Variants in PXYLP1 observed in about 807,000 individuals in gnomAD.
The protein encoded by PXYLP1 is 2-phosphoxylose phosphatase 1.
A neutral mutation model predicts 37.9 loss-of-function variants in PXYLP1; 17 were observed. That is an observed-to-expected ratio of 0.45 (90% CI 0.31 to 0.67). PXYLP1 has a LOEUF of 0.67. Ranked by LOEUF, PXYLP1 falls within the 30% of genes least tolerant of loss-of-function variation. PXYLP1 has a pLI of 0.07. For synonymous variants in PXYLP1, 221 were observed against 232.2 expected (o/e 0.95, Z 0.44); for missense variants, 511 against 612.0 (o/e 0.84, Z 1.74).
At chr3:141,262,369 T>A in intron 2 of PXYLP1, 1 of 1,034,010 alleles carries the variant, frequency 9.7e-7, no homozygotes, top group Non-Finnish European at 1.2e-6. Context: ...TAATTGTTTA[T>A]AAATTTTCAT....
At chr3:141,257,924 AAAG>A (rs1941300202) in intron 1 of PXYLP1, among the ~76,000 whole-genome samples, 1 of 139,538 alleles carries the variant, frequency 7.2e-6, no homozygotes, top group African/African-American at 3.3e-5. Context: ...AAAAAAAAAA[AAAG>A]AGAGAGAGAG....
chr3:141,261,869 A>T (rs1235330030), intron 2 of PXYLP1: 1 of 152,242 alleles, frequency 6.6e-6, no homozygotes, highest in African/African-American at 2.4e-5. Flanking sequence ...TTTGAAGCTG[A>T]GAAAACATCT....
intron 2 of PXYLP1, among the ~76,000 whole-genome samples, chr3:141,263,916 C>T (rs2148765269): frequency 1.3e-5 from 2 of 152,294 alleles, no homozygotes; most frequent in Admixed American, 1.3e-4. Flanking sequence ...CATAGTGCAC[C>T]ATCATCAGAA....
intron 2 of PXYLP1, chr3:141,274,281 G>A (rs1329510971): frequency 7.5e-7 from 1 of 1,332,230 alleles, no homozygotes; most frequent in African/African-American, 1.5e-5. Flanking sequence ...TGCTCCTCCA[G>A]GCCCCTTCCC....
At chr3:141,285,652 C>T (rs1171570054) in intron 4 of PXYLP1, among the ~76,000 whole-genome samples, 1 of 152,170 alleles carries the variant, frequency 6.6e-6, no homozygotes, top group African/African-American at 2.4e-5. Flanking sequence ...CTAAAATTGG[C>T]AGCAAAGCTT....
intron 4 of PXYLP1, among the ~76,000 whole-genome samples, chr3:141,280,244 A>G (rs1941916281): frequency 6.6e-6 from 1 of 152,234 alleles, no homozygotes; most frequent in Non-Finnish European, 1.5e-5. Flanking sequence ...CGTTATTTTG[A>G]TGGAATGCTT....
chr3:141,292,189 C>CACA lies in PXYLP1; in HGVS notation c.506-78_506-76dup. 1 of 1,380,202 alleles carries CACA rather than the reference C, an allele frequency of 7.2e-7. No homozygotes were observed. 85.5% of individuals were successfully genotyped at this position (1,380,202 alleles called of 1,614,324 possible). On this transcript the variant is annotated intron_variant, in intron 5 of 5. Transcript: ENST00000286353. This position sits in a 1 kb window ranked among gnomAD's most constrained non-coding sequence, Gnocchi z 4.3. ...CTCTTGCCCTAAAACACTCCAGAGC[C>CACA]ACACGCTGACTCCACCTCCCCTTGC...
In PXYLP1 at chr3:141,292,055, C is replaced by T. The variant is rs1391490485; in HGVS notation, c.506-213C>T. Among the ~76,000 whole-genome samples, 3 of 152,236 alleles carry T rather than the reference C, an allele frequency of 2.0e-5. No homozygotes were observed. Among genetic ancestry groups the T allele is most frequent in the Non-Finnish European group, 2.9e-5 (2 of 68,044 alleles). On this transcript the variant is annotated intron_variant, in intron 5 of 5. Transcript: ENST00000286353. The surrounding 1 kb of genome is among the most constrained non-coding windows in gnomAD (Gnocchi z 4.3). Reference sequence around the variant, plus strand: ...AAGGCCGTGGTTCTCAAGGCCAGGGCCCCGCTCTGCTCATCCTTCATGAAT... The same window carrying T: ...AAGGCCGTGGTTCTCAAGGCCAGGGTCCCGCTCTGCTCATCCTTCATGAAT...
intron 1 of PXYLP1, 22 bp from the exon 2 acceptor site, chr3:141,260,101 A>G (rs1196213036): frequency 6.4e-7 from 1 of 1,564,468 alleles, no homozygotes; most frequent in African/African-American, 1.3e-5. Flanking sequence ...ACACTCATTT[A>G]TCACCTCTGC....
intron 1 of PXYLP1, among the ~76,000 whole-genome samples, chr3:141,246,940 A>C (rs1172534569): frequency 6.6e-6 from 1 of 152,122 alleles, no homozygotes; most frequent in African/African-American, 2.4e-5. Context: ...TTGGCTTCCA[A>C]CCCACTACCT....
intron 2 of PXYLP1, chr3:141,273,170 G>A (rs1941709670): frequency 2.0e-6 from 2 of 985,216 alleles, no homozygotes; most frequent in Admixed American, 1.2e-4. Flanking sequence ...CAACTGGATT[G>A]TAAACCCCGT....
intron 1 of PXYLP1, among the ~76,000 whole-genome samples, chr3:141,258,079 C>T (rs532654415): frequency 5.3e-5 from 8 of 152,096 alleles, no homozygotes; most frequent in African/African-American, 1.9e-4. Context: ...AAGACATGAC[C>T]CAGCAGCAGA....
Position 141,294,660 on chromosome 3 carries a change from A to G in PXYLP1, c.*1455A>G, listed in dbSNP as rs1044018021. ...CTATACTATACAACTAATGGTTTGT[A>G]CCTATAAGTCACTCGAGTTATTTTC... On this transcript the variant is annotated 3_prime_UTR_variant, in exon 6 of 6. Coordinates refer to ENST00000286353, the MANE Select transcript of PXYLP1 (RefSeq NM_001037172.3). The G allele has an allele frequency of 1.3e-5, 2 of 152,184 alleles. No homozygotes were observed. The highest frequency in any genetic ancestry group is 2.9e-5 in the Non-Finnish European group (2 of 68,026). The allele number at this position is 152,184 out of a possible 1,614,324, so 9.4% of individuals were successfully genotyped here. A position where few individuals can be genotyped will look rare whatever the true frequency, so the allele number is the denominator to read the frequency against.
Position 141,292,799 on chromosome 3 carries a change from T to G in PXYLP1, c.1037T>G (p.Leu346Arg). The G allele has an allele frequency of 6.2e-7, 1 of 1,613,632 alleles. No homozygotes were observed. Among genetic ancestry groups the G allele is most frequent in the Non-Finnish European group, 8.5e-7 (1 of 1,179,774 alleles). ...REKKLYFGYS[L>R]LGAHPILNQT... Reference sequence around the variant, plus strand: ...AAGAAATTGTACTTCGGGTATTCTCTCCTGGGTGCCCACCCCATCCTGAAC... The same window carrying G: ...AAGAAATTGTACTTCGGGTATTCTCGCCTGGGTGCCCACCCCATCCTGAAC... Residue 346 changes from leucine (L) to arginine (R), a missense_variant, in exon 6 of 6, where the codon CTC becomes CGC. Physicochemically the swap from Leu to Arg is moderately radical, Grantham distance 102. Transcript: ENST00000286353. The surrounding 1 kb of genome is among the most constrained non-coding windows in gnomAD (Gnocchi z 4.3).
chr3:141,267,253 C>T (rs1229572441), intron 2 of PXYLP1: 2 of 152,116 alleles, frequency 1.3e-5, no homozygotes, highest in African/African-American at 4.8e-5. Flanking sequence ...TGTGGGGATG[C>T]GTGAAGATCT....
At chr3:141,245,045 C>CTTTTTTTT (rs10546747) in intron 1 of PXYLP1, among the ~76,000 whole-genome samples, 2 of 106,162 alleles carry the variant, frequency 1.9e-5, no homozygotes, top group African/African-American at 6.8e-5. Context: ...CACTAACTCC[C>CTTTTTTTT]TTTTTTTTTT....
chr3:141,232,978 G>T (rs952176706), intron 1 of PXYLP1, among the ~76,000 whole-genome samples: 3 of 152,106 alleles, frequency 2.0e-5, no homozygotes, highest in Admixed American at 6.5e-5. Context: ...TAGGGGGGTG[G>T]ATGGGGGATC....
At chr3:141,240,297 G>A (rs1354362659) in intron 1 of PXYLP1, among the ~76,000 whole-genome samples, 1 of 152,178 alleles carries the variant, frequency 6.6e-6, no homozygotes, top group African/African-American at 2.4e-5. Context: ...CTTAAACAAA[G>A]TATGTTTAAT....
intron 1 of PXYLP1, among the ~76,000 whole-genome samples, chr3:141,259,725 A>G (rs922608105): frequency 4.6e-5 from 7 of 152,206 alleles, no homozygotes; most frequent in African/African-American, 1.7e-4. Context: ...CCACCAAAAA[A>G]CCTTGAAGAT....
Sources: allele counts gnomAD v4.1 joint callset (sites outside exome capture counted in the v4.1 genomes callset), GRCh38; gene constraint gnomAD v4.1.1; non-coding constraint Gnocchi (gnomAD v3.1); transcripts MANE v1.5; gene names NCBI Gene and HGNC (gene_info 2026-07-23, HGNC 2026-07-21).